Variants in TDRP observed in about 807,000 individuals in gnomAD.
TDRP encodes the protein testis development related protein.
TDRP carries 12 observed loss-of-function variants against 10.5 expected under a neutral mutation model. The observed-to-expected ratio is 1.15, with a 90% confidence interval of 0.73 to 1.86. The LOEUF is 1.86. TDRP is among the 40% of genes most tolerant of loss of function. TDRP has a pLI of 0.00. For missense variants in TDRP, 353 were observed against 229.2 expected (o/e 1.54, Z -3.49); for synonymous variants, 139 against 95.4 (o/e 1.46, Z -2.67).
intron 1 of TDRP, among the ~76,000 whole-genome samples, chr8:504,215 T>A (rs1801390296): frequency 6.6e-6 from 1 of 152,216 alleles, no homozygotes; most frequent in African/African-American, 2.4e-5. Flanking sequence ...GAGTTGTTTT[T>A]CCTCCTGTTA....
chr8:524,699 T>A (rs145641577), intron 1 of TDRP, among the ~76,000 whole-genome samples: 1 of 152,152 alleles, frequency 6.6e-6, no homozygotes, highest in Non-Finnish European at 1.5e-5. Context: ...AAAAGTAGAA[T>A]TGATGAGGCA....
intron 1 of TDRP, among the ~76,000 whole-genome samples, chr8:495,722 C>A (rs112687076): frequency 5.9e-5 from 9 of 152,266 alleles, no homozygotes; most frequent in African/African-American, 2.2e-4. Flanking sequence ...TGAAAGCTGA[C>A]CTGAGGCTGC....
intron 2 of TDRP, among the ~76,000 whole-genome samples, chr8:493,646 C>T (rs1403293000): frequency 1.9e-4 from 29 of 152,210 alleles, no homozygotes; most frequent in East Asian, 5.8e-4. Context: ...TTCAACTTTA[C>T]ACTTTTTAAA....
chr8:523,696 G>A (rs1332342207), intron 1 of TDRP, among the ~76,000 whole-genome samples: 1 of 152,182 alleles, frequency 6.6e-6, no homozygotes. Flanking sequence ...GTAGCCAAGG[G>A]GAGAGGCTCC....
chr8:526,754 A>G (rs1802046735), intron 1 of TDRP, among the ~76,000 whole-genome samples: 1 of 152,106 alleles, frequency 6.6e-6, no homozygotes, highest in African/African-American at 2.4e-5. Flanking sequence ...TATTTTTCAT[A>G]CTGAAGGGAA....
chr8:511,219 A>T (rs1415987952), intron 1 of TDRP, among the ~76,000 whole-genome samples: 1 of 152,220 alleles, frequency 6.6e-6, no homozygotes, highest in Non-Finnish European at 1.5e-5. Context: ...CAATCCAACT[A>T]AATACTGCCT....
Position 519,219 on chromosome 8 carries a change from A to C in TDRP, c.109-24622T>G, listed in dbSNP as rs570943281. Among the ~76,000 whole-genome samples, 47 of 152,306 alleles carry C rather than the reference A, an allele frequency of 3.1e-4. 1 individual carries two copies. In the South Asian group the frequency reaches 9.1e-3, roughly 30 times the overall value. On this transcript the variant is annotated intron_variant, in intron 1 of 2. Coordinates refer to ENST00000324079, the MANE Select transcript of TDRP (RefSeq NM_001384899.1). Reference sequence around the variant, plus strand: ...GTGAACCCATCCATGTGCTGAGAGCATGCATGTTGAGAGGGATGGACGCTG... The same window carrying C: ...GTGAACCCATCCATGTGCTGAGAGCCTGCATGTTGAGAGGGATGGACGCTG...
rs551735464 is a variant in TDRP at position 531,564 on chromosome 8, G to A, written c.108+13086C>T. ...TGGTGTCAGAAGAAACCACACATACGGACACTTTTTATCTACGACAAAAAT... is the reference window on the plus strand; with the variant it reads ...TGGTGTCAGAAGAAACCACACATACAGACACTTTTTATCTACGACAAAAAT... On this transcript the variant is annotated intron_variant, in intron 1 of 2. Coordinates refer to ENST00000324079, the MANE Select transcript of TDRP (RefSeq NM_001384899.1). Among the ~76,000 whole-genome samples the A allele has an allele frequency of 1.2e-4, 18 of 152,236 alleles. No homozygotes were observed. The East Asian group carries it at 1.7e-3, about 15-fold the overall frequency.
rs946531302 is a variant in TDRP at position 492,423 on chromosome 8, T to C, written c.534A>G (p.Thr178=). Residue 178 remains threonine (T), a synonymous_variant, in exon 3 of 3, where the codon ACA becomes ACG. Coordinates refer to ENST00000324079, the MANE Select transcript of TDRP (RefSeq NM_001384899.1). ...CTCACTCCGCCTCCTCCGGGCTATC[T>C]GTCAGGTGGCCTTTACTCTGCCGTC... ...SIRRQSKGHL[T]DSPEEAE The C allele has an allele frequency of 2.6e-6, 4 of 1,566,644 alleles. No individual in the cohort carries two copies. The highest frequency in any genetic ancestry group is 3.5e-6 in the Non-Finnish European group (4 of 1,152,732).
intron 1 of TDRP, among the ~76,000 whole-genome samples, chr8:495,630 C>A (rs1046589188): frequency 1.3e-5 from 2 of 152,190 alleles, no homozygotes; most frequent in Admixed American, 1.3e-4. Flanking sequence ...ATTGCTAGGG[C>A]TGGGAAGGGT....
At chr8:522,713 ATAAT>A (rs1165543885) in intron 1 of TDRP, among the ~76,000 whole-genome samples, 1 of 152,208 alleles carries the variant, frequency 6.6e-6, no homozygotes, top group African/African-American at 2.4e-5. Flanking sequence ...GTGCACCTAA[ATAAT>A]TAAATAATTC....
chr8:514,040 C>T (rs548333842), intron 1 of TDRP, among the ~76,000 whole-genome samples: 1 of 152,318 alleles, frequency 6.6e-6, no homozygotes, highest in East Asian at 1.9e-4. Flanking sequence ...TCTACACATT[C>T]AATGAAACCC....
At position 492,202 on chromosome 8, in the gene TDRP, T is replaced by G; in HGVS notation, c.*197A>C. The G allele has an allele frequency of 4.7e-6, 6 of 1,268,016 alleles. No individual in the cohort carries two copies. Among genetic ancestry groups the G allele is most frequent in the South Asian group, 3.6e-5 (1 of 27,794 alleles). 78.5% of individuals were successfully genotyped at this position (1,268,016 alleles called of 1,614,324 possible). A position where few individuals can be genotyped will look rare whatever the true frequency, so the allele number is the denominator to read the frequency against. ...ATATTTCTGCAATAAGGCAATCAAA[T>G]GTACAATCCCTGCACGTGTTCACCA... On this transcript the variant is annotated 3_prime_UTR_variant, in exon 3 of 3. Transcript: ENST00000324079.
At chr8:540,912 T>C (rs550914356) in intron 1 of TDRP, among the ~76,000 whole-genome samples, 2 of 151,914 alleles carry the variant, frequency 1.3e-5, no homozygotes, top group Admixed American at 1.3e-4. Flanking sequence ...CAGAATGTGC[T>C]CTCAACCTGC....
chr8:492,097 GC>G lies in TDRP; in HGVS notation c.*301del, dbSNP rs1800993654. On this transcript the variant is annotated 3_prime_UTR_variant, in exon 3 of 3. Transcript: ENST00000324079. ...CATGAAAATCATTTTGTGAGAAACT[GC>G]AAATCATTACTGCTGTATTATGGGA... 10 of 1,186,782 alleles carry G rather than the reference GC, an allele frequency of 8.4e-6. No homozygotes were observed. The highest frequency in any genetic ancestry group is 1.0e-5 in the Non-Finnish European group (10 of 959,852). 73.5% of individuals were successfully genotyped at this position (1,186,782 alleles called of 1,614,324 possible). A position where few individuals can be genotyped will look rare whatever the true frequency, so the allele number is the denominator to read the frequency against.
At chr8:521,322 CAGG>C (rs1801898815) in intron 1 of TDRP, among the ~76,000 whole-genome samples, 2 of 150,990 alleles carry the variant, frequency 1.3e-5, no homozygotes, top group Non-Finnish European at 2.9e-5. Context: ...GAGGCTGAGG[CAGG>C]AGAATGGCGT....
intron 1 of TDRP, among the ~76,000 whole-genome samples, chr8:532,325 G>C (rs1802226013): frequency 6.6e-6 from 1 of 152,196 alleles, no homozygotes. Flanking sequence ...ACTGAAACCT[G>C]CTACTGGGGG....
chr8:540,502 T>G (rs1345311768), intron 1 of TDRP, among the ~76,000 whole-genome samples: 1 of 152,152 alleles, frequency 6.6e-6, no homozygotes, highest in African/African-American at 2.4e-5. Flanking sequence ...CAACAAATAT[T>G]TTACCATATG....
At chr8:526,812 C>A (rs1422301366) in intron 1 of TDRP, among the ~76,000 whole-genome samples, 1 of 152,184 alleles carries the variant, frequency 6.6e-6, no homozygotes, top group African/African-American at 2.4e-5. Flanking sequence ...AGGATGCCCA[C>A]TTTTACCACT....
Sources: gnomAD v4.1 joint callset for allele counts (sites outside exome capture counted in the v4.1 genomes callset) on GRCh38, gnomAD v4.1.1 for gene constraint, MANE v1.5 for transcripts, NCBI Gene and HGNC (gene_info 2026-07-23, HGNC 2026-07-21) for gene names.